The following MS4A13 variants were observed in gnomAD, a reference collection of about 807,000 sequenced individuals.
The protein encoded by MS4A13 is membrane-spanning 4-domains subfamily A member 13.
Under a neutral mutation model 18.4 loss-of-function variants are expected in MS4A13, and 21 were observed. The ratio of observed to expected loss-of-function variants is 1.14; its 90% CI spans 0.81 to 1.64. The LOEUF (loss-of-function observed/expected upper bound fraction) is 1.64, where lower values mean the gene tolerates loss of function less well. MS4A13 is among the 40% of genes most tolerant of loss of function. MS4A13 has a pLI of 0.00. For missense variants in MS4A13, 173 were observed against 176.8 expected, an observed-to-expected ratio of 0.98 and a Z score of 0.12; for synonymous variants, 62 against 57.2, an observed-to-expected ratio of 1.08 and a Z score of -0.38.
intron 2 of MS4A13, among the ~76,000 whole-genome samples, chr11:60,517,007 TAA>T (rs541112157): frequency 7.4e-6 from 1 of 134,618 alleles, no homozygotes. Context: ...GATAAAACAA[TAA>T]AAAAAAAAAA....
At chr11:60,536,664 G>T in intron 6 of MS4A13, among the ~76,000 whole-genome samples, 2 of 15,910 alleles carry the variant, frequency 1.3e-4, no homozygotes, top group Admixed American at 1.1e-3. Flanking sequence ...TCACAGAATT[G>T]GAAAAAACTA....
At position 60,525,238 on chromosome 11, in the gene MS4A13, G is replaced by C; in HGVS notation, c.218G>C (p.Cys73Ser). Residue 73 changes from cysteine to serine, a missense_variant, in exon 5 of 7, where the codon TGC (cysteine) becomes TCC (serine). Transcript: ENST00000378186. ...AGTACTTTAATCATAAACATCATCT[G>C]CATAATTACTACAATTACTGCAGTA... ...IISTLIINII[C>S]IITTITAVTL... 6.4e-7 allele frequency: 1 copy of C among 1,566,824 alleles called. No homozygotes were observed. The highest frequency in any genetic ancestry group is 8.8e-7 in the Non-Finnish European group (1 of 1,139,204).
intron 6 of MS4A13, 115 bp downstream of exon 6, chr11:60,529,575 G>T: frequency 2.2e-6 from 1 of 461,078 alleles, no homozygotes. Flanking sequence ...TAAATGGAAT[G>T]TGTGATATTG....
intron 6 of MS4A13, among the ~76,000 whole-genome samples, chr11:60,532,273 A>G (rs1773589986): frequency 6.6e-6 from 1 of 152,126 alleles, no homozygotes; most frequent in African/African-American, 2.4e-5. Context: ...GGTTCATCTC[A>G]CTAGGGAGTG....
At chr11:60,523,984 A>C (rs375338148) in intron 4 of MS4A13, 31 bp downstream of exon 4, 25 of 1,325,204 alleles carry the variant, frequency 1.9e-5, no homozygotes, top group African/African-American at 2.9e-5. Flanking sequence ...TATCTCTAGA[A>C]ATCACTTATC....
Position 60,525,211 on chromosome 11 carries a change from T to C in MS4A13, c.191T>C (p.Ile64Thr), listed in dbSNP as rs967172981. The change falls in exon 5 of 7, where the codon ATA (isoleucine) becomes ACA (threonine). Residue 64 changes from isoleucine to threonine, a missense_variant. Physicochemically the swap from Ile to Thr is moderately conservative, Grantham distance 89. Transcript: ENST00000378186. ...VTKYPTRSGI[I>T]STLIINIICI... Reference sequence around the variant, plus strand: ...TGCCCTCTGTCTCCTTTTCAGATTATAAGTACTTTAATCATAAACATCATC... The same window carrying C: ...TGCCCTCTGTCTCCTTTTCAGATTACAAGTACTTTAATCATAAACATCATC... The C allele has an allele frequency of 8.3e-6, 13 of 1,557,064 alleles. No homozygotes were observed. The highest frequency in any genetic ancestry group is 1.1e-5 in the South Asian group (1 of 89,434).
intron 6 of MS4A13, among the ~76,000 whole-genome samples, chr11:60,542,297 A>C (rs1478784926): frequency 6.6e-6 from 1 of 151,806 alleles, no homozygotes; most frequent in Non-Finnish European, 1.5e-5. Context: ...GAAAGAAAGA[A>C]GAAAGGGAGG....
intron 6 of MS4A13, among the ~76,000 whole-genome samples, chr11:60,529,954 A>G (rs1477074686): frequency 6.6e-6 from 1 of 152,216 alleles, no homozygotes; most frequent in African/African-American, 2.4e-5. Context: ...ATTATAAACA[A>G]TGATGCAGTG....
intron 6 of MS4A13, among the ~76,000 whole-genome samples, chr11:60,534,958 G>A (rs2086795715): frequency 3.8e-5 from 1 of 26,288 alleles, no homozygotes; most frequent in Non-Finnish European, 7.5e-5. Flanking sequence ...AGAAATAAAG[G>A]TGTTCTTTGA....
intron 6 of MS4A13, among the ~76,000 whole-genome samples, chr11:60,539,926 T>C (rs1217002867): frequency 2.0e-5 from 3 of 152,078 alleles, no homozygotes; most frequent in Non-Finnish European, 4.4e-5. Flanking sequence ...TAGCAGAAAT[T>C]CCTCATGAGA....
chr11:60,531,795 A>G (rs1231391712), intron 6 of MS4A13, among the ~76,000 whole-genome samples: 1 of 152,136 alleles, frequency 6.6e-6, no homozygotes, highest in African/African-American at 2.4e-5. Flanking sequence ...AGTCTCTTCT[A>G]AGCTCACCAG....
At position 60,527,404 on chromosome 11, in the gene MS4A13, C is replaced by CTGTGTG. The variant is rs1565212716; in HGVS notation, c.307-1960_307-1959insGTGTGT. Reference sequence around the variant, plus strand: ...TCTCTCTCTCTCTCTCTCTCTCTCTCTCTCTCTGTGTGTGTGTGTGTGTGT... The same window carrying CTGTGTG: ...TCTCTCTCTCTCTCTCTCTCTCTCTCTGTGTGTCTCTCTGTGTGTGTGTGTGTGTGT... On this transcript the variant is annotated intron_variant, in intron 5 of 6. Coordinates refer to ENST00000378186, the MANE Select transcript of MS4A13 (RefSeq NM_001012417.3). Among the ~76,000 whole-genome samples the CTGTGTG allele has an allele frequency of 5.5e-3, 404 of 73,180 alleles. 3 individuals are homozygous for CTGTGTG. The highest frequency in any genetic ancestry group is 7.9e-3 in the Non-Finnish European group (315 of 39,878). The allele number at this position is 73,180 out of a possible 152,430, so 48.0% of individuals were successfully genotyped here. A position where few individuals can be genotyped will look rare whatever the true frequency, so the allele number is the denominator to read the frequency against.
At chr11:60,542,134 C>CAA (rs2086864278) in intron 6 of MS4A13, among the ~76,000 whole-genome samples, 1 of 129,026 alleles carries the variant, frequency 7.8e-6, no homozygotes. Flanking sequence ...AAAAAAAACC[C>CAA]AAGGAAGGAA....
chr11:60,532,333 A>C (rs550799783), intron 6 of MS4A13, among the ~76,000 whole-genome samples: 4 of 152,326 alleles, frequency 2.6e-5, no homozygotes, highest in Admixed American at 2.6e-4. Context: ...CGCGAGCCGA[A>C]GCAGGGCGAG....
At chr11:60,519,916 G>A (rs1474071301) in intron 3 of MS4A13, among the ~76,000 whole-genome samples, 1 of 152,168 alleles carries the variant, frequency 6.6e-6, no homozygotes, top group Non-Finnish European at 1.5e-5. Context: ...AAAGATAGCA[G>A]GTGATGATCA....
At chr11:60,523,531 G>A (rs2135253176) in intron 3 of MS4A13, among the ~76,000 whole-genome samples, 1 of 152,254 alleles carries the variant, frequency 6.6e-6, no homozygotes, top group Middle Eastern at 3.4e-3. Flanking sequence ...ATCATAAGTA[G>A]TGTCATCATC....
downstream of MS4A13, among the ~76,000 whole-genome samples, chr11:60,543,370 C>G (rs145853904): frequency 6.6e-6 from 1 of 151,894 alleles, no homozygotes; most frequent in Non-Finnish European, 1.5e-5. Context: ...TTCAGATTGT[C>G]TACTGTATGC....
At position 60,529,434 on chromosome 11, in the gene MS4A13, C is replaced by T. The variant is rs773555694; in HGVS notation, c.376C>T (p.His126Tyr). Residue 126 changes from histidine (H) to tyrosine (Y), a missense_variant, in exon 6 of 7, where the codon CAC becomes TAC. Coordinates refer to ENST00000378186, the MANE Select transcript of MS4A13 (RefSeq NM_001012417.3). ...YGLEFSIALT[H>Y]SIYSCSNLFR... is the part of the protein sequence containing the mutation. ...TTTGGAATTTTCTATTGCACTTACA[C>T]ACTCAATATACAGCTGTTCCAATTT... 4.4e-6 allele frequency: 7 copies of T among 1,608,126 alleles called. No homozygotes were observed. In the African/African-American group the frequency reaches 5.3e-5, roughly 12 times the overall value.
chr11:60,532,354 A>C (rs1054025079), intron 6 of MS4A13, among the ~76,000 whole-genome samples: 12 of 152,218 alleles, frequency 7.9e-5, no homozygotes, highest in Non-Finnish European at 1.2e-4. Context: ...GCATTGCCTC[A>C]CCTGGGAAGC....
Sources: gnomAD v4.1 joint callset for allele counts (sites outside exome capture counted in the v4.1 genomes callset) on GRCh38, gnomAD v4.1.1 for gene constraint, MANE v1.5 for transcripts, NCBI Gene and HGNC (gene_info 2026-07-23, HGNC 2026-07-21) for gene names.